Variants in EFHD2 observed in about 807,000 individuals in gnomAD.
The protein encoded by EFHD2 is EF-hand domain family member D2.
In EFHD2, 12 loss-of-function variants were observed where a neutral mutation model predicts 20.3. The ratio of observed to expected loss-of-function variants is 0.59; its 90% CI spans 0.38 to 0.96. The LOEUF (loss-of-function observed/expected upper bound fraction) is 0.96. Among genes scored for constraint, EFHD2 ranks in the 40% least tolerant of loss-of-function variants. EFHD2 has a pLI of 0.00. For missense variants in EFHD2, 250 were observed against 334.3 expected, an observed-to-expected ratio of 0.75 and a Z score of 1.97; for synonymous variants, 131 against 143.9, an observed-to-expected ratio of 0.91 and a Z score of 0.64.
In EFHD2 at chr1:15,429,681, G is replaced by A. The variant is rs1044120885; in HGVS notation, c.*957G>A. 3.3e-5 allele frequency: 5 copies of A among 152,372 alleles called. No individual in the cohort carries two copies. The highest frequency in any genetic ancestry group is 1.2e-4 in the African/African-American group (5 of 41,366). The allele number at this position is 152,372 out of a possible 1,614,324, so 9.4% of individuals were successfully genotyped here. Reference sequence around the variant, plus strand: ...GCATGCGCCAGGCGGTGGGCAGCGGGGGCCTGTCCAGCCCTCTCCCGCCAT... The same window carrying A: ...GCATGCGCCAGGCGGTGGGCAGCGGAGGCCTGTCCAGCCCTCTCCCGCCAT... On this transcript the variant is annotated 3_prime_UTR_variant, in exon 4 of 4. Coordinates refer to ENST00000375980, the MANE Select transcript of EFHD2 (RefSeq NM_024329.6).
At chr1:15,419,269 A>G (rs911904056) in intron 1 of EFHD2, among the ~76,000 whole-genome samples, 3 of 152,340 alleles carry the variant, frequency 2.0e-5, no homozygotes, top group East Asian at 1.9e-4. Flanking sequence ...CCCAGCATCC[A>G]GGGTGCAGCT....
intron 1 of EFHD2, among the ~76,000 whole-genome samples, chr1:15,418,642 C>CCT (rs557732002): frequency 3.9e-5 from 6 of 152,154 alleles, no homozygotes; most frequent in Non-Finnish European, 7.3e-5. Flanking sequence ...GATAGGCCCC[C>CCT]CCTTAAGTAA....
chr1:15,428,469 C>G, intron 3 of EFHD2, 124 bp from the exon 4 acceptor site: 1 of 1,284,656 alleles, frequency 7.8e-7, no homozygotes. Context: ...CGCACTCCAG[C>G]CTGGGCGACA....
At position 15,428,611 on chromosome 1, in the gene EFHD2, T is replaced by C. The variant is rs1570773413; in HGVS notation, c.610T>C (p.Ser204Pro). The part of the protein sequence containing the change: ...FEAKVQAINV[S>P]SRFEEEIKAE... ...CCCGCAGGTCCAGGCCATCAACGTGTCCAGCCGCTTCGAGGAGGAGATCAA... is the reference window on the plus strand; with the variant it reads ...CCCGCAGGTCCAGGCCATCAACGTGCCCAGCCGCTTCGAGGAGGAGATCAA... Residue 204 changes from serine (S) to proline (P), a missense_variant, in exon 4 of 4, where the codon TCC (serine) becomes CCC (proline). Coordinates refer to ENST00000375980, the MANE Select transcript of EFHD2 (RefSeq NM_024329.6). The C allele has an allele frequency of 1.9e-6, 3 of 1,610,590 alleles. No individual in the cohort carries two copies. The highest frequency in any genetic ancestry group is 2.2e-5 in the South Asian group (2 of 90,534).
chr1:15,419,636 A>C (rs1707754814), intron 1 of EFHD2, among the ~76,000 whole-genome samples: 1 of 152,158 alleles, frequency 6.6e-6, no homozygotes, highest in Non-Finnish European at 1.5e-5. Context: ...TTCCCTACAT[A>C]ATGTAAAACG....
At position 15,410,145 on chromosome 1, in the gene EFHD2, G is replaced by C. The variant is rs780778499; in HGVS notation, c.174G>C (p.Lys58Asn). ...GCGCGGACTGCGAGCTGAGCGCCAAGCTGCTGCGGCGCGCAGACCTCAACC... is the reference window on the plus strand; with the variant it reads ...GCGCGGACTGCGAGCTGAGCGCCAACCTGCTGCGGCGCGCAGACCTCAACC... ...LGSADCELSA[K>N]LLRRADLNQG... Residue 58 changes from lysine (K) to asparagine (N), a missense_variant, in exon 1 of 4, where the codon AAG (lysine) becomes AAC (asparagine). This residue lies in a region of EFHD2 where 143 missense variants were observed against 190.6 expected (regional missense o/e 0.75). Coordinates refer to ENST00000375980, the MANE Select transcript of EFHD2 (RefSeq NM_024329.6). 3.1e-6 allele frequency: 5 copies of C among 1,594,326 alleles called. No homozygotes were observed. The highest frequency in any genetic ancestry group is 3.4e-5 in the Admixed American group (2 of 58,312).
chr1:15,419,402 G>A (rs1042254352), intron 1 of EFHD2, among the ~76,000 whole-genome samples: 5 of 152,242 alleles, frequency 3.3e-5, no homozygotes, highest in African/African-American at 1.2e-4. Flanking sequence ...CAGGCTGGGC[G>A]CTTTCTGCCA....
At chr1:15,411,081 C>A (rs946677110) in intron 1 of EFHD2, among the ~76,000 whole-genome samples, 2 of 152,136 alleles carry the variant, frequency 1.3e-5, no homozygotes, top group East Asian at 3.9e-4. Flanking sequence ...GAGTCCCCTC[C>A]GGGTTTGGAA....
Position 15,419,997 on chromosome 1 carries a change from T to C in EFHD2, c.309-5874T>C, listed in dbSNP as rs1211020584. ...TGCTGGGGCTTTGCGTCGGGCCTAG[T>C]AGGGGAAAAGTGGGCCTTTAGAGGA... On this transcript the variant is annotated intron_variant, in intron 1 of 3. Transcript: ENST00000375980. Among the ~76,000 whole-genome samples, 2 of 152,044 alleles carry C rather than the reference T, an allele frequency of 1.3e-5. 1 individual carries two copies.
Position 15,428,997 on chromosome 1 carries a change from G to A in EFHD2, c.*273G>A. 1 of 430,796 alleles carries A rather than the reference G, an allele frequency of 2.3e-6. No homozygotes were observed. The highest frequency in any genetic ancestry group is 2.0e-5 in the African/African-American group (1 of 49,258). The allele number at this position is 430,796 out of a possible 1,614,324, so 26.7% of individuals were successfully genotyped here. On this transcript the variant is annotated 3_prime_UTR_variant, in exon 4 of 4. Coordinates refer to ENST00000375980, the MANE Select transcript of EFHD2 (RefSeq NM_024329.6). ...CCTGGGCTCTCTTGCACCCCTAACT[G>A]CCCCCTGCCTGCTCCGGCACTGCCC...
At chr1:15,419,608 C>T (rs1163521581) in intron 1 of EFHD2, among the ~76,000 whole-genome samples, 3 of 152,218 alleles carry the variant, frequency 2.0e-5, no homozygotes, top group African/African-American at 7.2e-5. Flanking sequence ...CCAGTCACTG[C>T]CCACTGTGGG....
Position 15,413,085 on chromosome 1 carries a change from G to A in EFHD2, c.308+2806G>A, listed in dbSNP as rs902638713. Among the ~76,000 whole-genome samples, 4 of 152,228 alleles carry A rather than the reference G, an allele frequency of 2.6e-5. No individual in the cohort carries two copies. The highest frequency in any genetic ancestry group is 2.1e-4 in the South Asian group (1 of 4,834). Reference sequence around the variant, plus strand: ...CCCCGCCGCCAACAGACGGGCTCTCGTGGAAGACAAACCCCCGTTCTGCTT... The same window carrying A: ...CCCCGCCGCCAACAGACGGGCTCTCATGGAAGACAAACCCCCGTTCTGCTT... On this transcript the variant is annotated intron_variant, in intron 1 of 3. Coordinates refer to ENST00000375980, the MANE Select transcript of EFHD2 (RefSeq NM_024329.6). The surrounding 1 kb of genome is among the most constrained non-coding windows in gnomAD (Gnocchi z 4.4).
rs980174101 is a variant in EFHD2 at position 15,426,417 on chromosome 1, G to T, written c.456+399G>T. Among the ~76,000 whole-genome samples, 3 of 152,178 alleles carry T rather than the reference G, an allele frequency of 2.0e-5. No individual in the cohort carries two copies. The highest frequency in any genetic ancestry group is 4.4e-5 in the Non-Finnish European group (3 of 68,026). Reference sequence around the variant, plus strand: ...CAGAGGAAGAGGGCCACGGCACTGGGTGACTTCACGCCCAGGATCTCACTC... The same window carrying T: ...CAGAGGAAGAGGGCCACGGCACTGGTTGACTTCACGCCCAGGATCTCACTC... On this transcript the variant is annotated intron_variant, in intron 2 of 3. Coordinates refer to ENST00000375980, the MANE Select transcript of EFHD2 (RefSeq NM_024329.6). This position sits in a 1 kb window ranked among gnomAD's most constrained non-coding sequence, Gnocchi z 4.6.
intron 1 of EFHD2, among the ~76,000 whole-genome samples, chr1:15,415,175 C>G (rs1333779911): frequency 6.6e-6 from 1 of 152,170 alleles, no homozygotes; most frequent in African/African-American, 2.4e-5. Context: ...TTAAATGAAT[C>G]AAGTTCCTGC....
chr1:15,416,207 C>T (rs751207866), intron 1 of EFHD2, among the ~76,000 whole-genome samples: 6 of 152,170 alleles, frequency 3.9e-5, no homozygotes, highest in African/African-American at 9.7e-5. Context: ...TCGCTCTCCT[C>T]CATGCTACCT....
At chr1:15,419,467 C>A (rs1707751361) in intron 1 of EFHD2, among the ~76,000 whole-genome samples, 1 of 152,218 alleles carries the variant, frequency 6.6e-6, no homozygotes. Flanking sequence ...GGCTCTCAGT[C>A]CAGCCTCCAC....
chr1:15,412,380 TC>T (rs1707548030), intron 1 of EFHD2, among the ~76,000 whole-genome samples: 1 of 152,132 alleles, frequency 6.6e-6, no homozygotes, highest in South Asian at 2.1e-4. Flanking sequence ...GAGCTCTTCG[TC>T]ACCTTTGTGC....
At chr1:15,411,296 C>G (rs1570758538) in intron 1 of EFHD2, among the ~76,000 whole-genome samples, 2 of 151,898 alleles carry the variant, frequency 1.3e-5, no homozygotes, top group African/African-American at 4.8e-5. Context: ...ACCCCCACCC[C>G]TACCCTTTAT....
chr1:15,412,091 G>C (rs1217788290), intron 1 of EFHD2, among the ~76,000 whole-genome samples: 1 of 152,010 alleles, frequency 6.6e-6, no homozygotes, highest in Non-Finnish European at 1.5e-5. Context: ...CTTCAAGAAA[G>C]TCCCAGGGCG....
Sources: allele counts gnomAD v4.1 joint callset (sites outside exome capture counted in the v4.1 genomes callset), GRCh38; gene constraint gnomAD v4.1.1; regional missense constraint gnomAD v4.1.1; non-coding constraint Gnocchi (gnomAD v3.1); transcripts MANE v1.5; gene names NCBI Gene and HGNC (gene_info 2026-07-23, HGNC 2026-07-21).